PMS1: variants seen among roughly 807,000 people sequenced by gnomAD.
PMS1 encodes the protein PMS1 protein homolog 1.
In PMS1, 79 loss-of-function variants were observed where a neutral mutation model predicts 93.1. That is an observed-to-expected ratio of 0.85 (90% CI 0.71 to 1.02). The LOEUF (loss-of-function observed/expected upper bound fraction) is 1.02, where lower values mean the gene tolerates loss of function less well. Ranked by LOEUF, PMS1 falls within the 50% of genes least tolerant of loss-of-function variation. The pLI is 0.00. For synonymous variants in PMS1, 335 were observed against 363.4 expected, an observed-to-expected ratio of 0.92 and a Z score of 0.89; for missense variants, 1,064 against 1,085.3, an observed-to-expected ratio of 0.98 and a Z score of 0.28.
At chr2:189,871,379 G>A (rs1359491731) in intron 11 of PMS1, among the ~76,000 whole-genome samples, 1 of 152,174 alleles carries the variant, frequency 6.6e-6, no homozygotes, top group African/African-American at 2.4e-5. Flanking sequence ...GTGTTGGGCT[G>A]CATTCAAAGT....
intron 3 of PMS1, among the ~76,000 whole-genome samples, chr2:189,798,662 C>T (rs1196158574): frequency 1.3e-5 from 2 of 151,594 alleles, no homozygotes; most frequent in Non-Finnish European, 2.9e-5. Flanking sequence ...ACGAGGTTTG[C>T]ATCAGGGAAC....
intron 11 of PMS1, among the ~76,000 whole-genome samples, chr2:189,870,166 TA>T (rs1352117869): frequency 6.6e-6 from 1 of 152,226 alleles, no homozygotes; most frequent in Non-Finnish European, 1.5e-5. Context: ...TTTGTTTTTT[TA>T]TTTTTTTAAT....
intron 5 of PMS1, among the ~76,000 whole-genome samples, chr2:189,836,176 A>G (rs73979093): frequency 8.7e-4 from 133 of 152,382 alleles, no homozygotes; most frequent in African/African-American, 3.1e-3. Flanking sequence ...GAGGTTTACT[A>G]ATTAAATATC....
In PMS1 at chr2:189,791,798, T is replaced by C; in HGVS notation, c.-12T>C. The C allele has an allele frequency of 6.2e-7, 1 of 1,613,386 alleles. No individual in the cohort carries two copies. The highest frequency in any genetic ancestry group is 1.3e-5 in the African/African-American group (1 of 75,042). Reference sequence around the variant, plus strand: ...GCATTTTTATCTTCTAGCTGCTCTGTTAAAAGCGAAAATGAAACAATTGCC... The same window carrying C: ...GCATTTTTATCTTCTAGCTGCTCTGCTAAAAGCGAAAATGAAACAATTGCC... On this transcript the variant is annotated 5_prime_UTR_variant, in exon 2 of 13. Transcript: ENST00000441310.
intron 6 of PMS1, among the ~76,000 whole-genome samples, chr2:189,844,311 T>A (rs1482739267): frequency 6.6e-6 from 1 of 152,148 alleles, no homozygotes; most frequent in Non-Finnish European, 1.5e-5. Flanking sequence ...AAAAATTATG[T>A]TCAATTTAGA....
chr2:189,813,577 T>G (rs2051025251), intron 4 of PMS1, among the ~76,000 whole-genome samples: 1 of 152,238 alleles, frequency 6.6e-6, no homozygotes, highest in African/African-American at 2.4e-5. Context: ...TAATAATTCA[T>G]GTGTTGATTG....
intron 5 of PMS1, among the ~76,000 whole-genome samples, chr2:189,820,378 C>T (rs931902995): frequency 6.6e-6 from 1 of 151,960 alleles, no homozygotes; most frequent in Admixed American, 6.6e-5. Context: ...GATCACAGCT[C>T]ACTGCAGCCT....
intron 11 of PMS1, among the ~76,000 whole-genome samples, chr2:189,868,475 T>C (rs1399160107): frequency 1.3e-5 from 2 of 152,224 alleles, no homozygotes; most frequent in Non-Finnish European, 2.9e-5. Context: ...TCCATCTGGC[T>C]AGAGACTTCA....
intron 4 of PMS1, among the ~76,000 whole-genome samples, chr2:189,810,584 A>G (rs1256826770): frequency 6.6e-6 from 1 of 152,214 alleles, no homozygotes; most frequent in Non-Finnish European, 1.5e-5. Context: ...TCCAACCCCC[A>G]CACTGAATCT....
intron 3 of PMS1, among the ~76,000 whole-genome samples, chr2:189,802,384 A>T (rs2049969901): frequency 6.6e-6 from 1 of 152,216 alleles, no homozygotes; most frequent in Admixed American, 6.5e-5. Flanking sequence ...TATAAGAGAA[A>T]ATAAATATGT....
chr2:189,857,454 C>T (rs969855699), intron 9 of PMS1: 2 of 468,576 alleles, frequency 4.3e-6, no homozygotes, highest in African/African-American at 4.0e-5. Context: ...GCTACCATTT[C>T]TCTTCCTGTC....
intron 5 of PMS1, among the ~76,000 whole-genome samples, chr2:189,820,928 T>C (rs2051801224): frequency 6.6e-6 from 1 of 152,170 alleles, no homozygotes; most frequent in African/African-American, 2.4e-5. Context: ...AACCAAATGA[T>C]ACCTTGAGAT....
At chr2:189,808,378 A>C (rs570341625) in intron 4 of PMS1, among the ~76,000 whole-genome samples, 1 of 152,214 alleles carries the variant, frequency 6.6e-6, no homozygotes, top group Non-Finnish European at 1.5e-5. Context: ...CCCAGGCTGG[A>C]GTGCAGTGGC....
At chr2:189,807,207 A>G (rs1405081176) in intron 4 of PMS1, among the ~76,000 whole-genome samples, 2 of 152,158 alleles carry the variant, frequency 1.3e-5, no homozygotes, top group Non-Finnish European at 2.9e-5. Flanking sequence ...GTTCCACATA[A>G]AGGAGAGAGT....
intron 1 of PMS1, among the ~76,000 whole-genome samples, chr2:189,789,062 GT>G (rs1157023980): frequency 6.6e-6 from 1 of 152,160 alleles, no homozygotes; most frequent in Non-Finnish European, 1.5e-5. Flanking sequence ...AAAGGTAGTT[GT>G]TCACAGCTGC....
chr2:189,791,250 A>G (rs2048841006), intron 1 of PMS1, among the ~76,000 whole-genome samples: 1 of 152,192 alleles, frequency 6.6e-6, no homozygotes, highest in African/African-American at 2.4e-5. Context: ...CAAGTTTTCT[A>G]ATTTCTTTAT....
chr2:189,794,750 T>C (rs1485665400), intron 2 of PMS1, among the ~76,000 whole-genome samples: 5 of 152,160 alleles, frequency 3.3e-5, no homozygotes, highest in Non-Finnish European at 5.9e-5. Flanking sequence ...GTTTTTGTTA[T>C]ATATGTATAT....
intron 9 of PMS1, among the ~76,000 whole-genome samples, chr2:189,862,652 C>G (rs527319754): frequency 6.6e-6 from 1 of 152,296 alleles, no homozygotes; most frequent in Non-Finnish European, 1.5e-5. Flanking sequence ...GACAGATCAC[C>G]TTGAGCTTGT....
chr2:189,877,160 G>A (rs1287671124), intron 12 of PMS1, 112 bp from the exon 13 acceptor site: 18 of 883,114 alleles, frequency 2.0e-5, no homozygotes, highest in Non-Finnish European at 3.2e-5. Context: ...TATTTGTTGA[G>A]TGAATTCATA....
Sources: gnomAD v4.1 joint callset for allele counts (sites outside exome capture counted in the v4.1 genomes callset) on GRCh38, gnomAD v4.1.1 for gene constraint, MANE v1.5 for transcripts, NCBI Gene and HGNC (gene_info 2026-07-23, HGNC 2026-07-21) for gene names.